The following SUSD6 variants were observed in gnomAD, a reference collection of about 807,000 sequenced individuals.
SUSD6 encodes the protein sushi domain containing 6.
SUSD6 carries 16 observed loss-of-function variants against 28.4 expected under a neutral mutation model. The ratio of observed to expected loss-of-function variants is 0.56; its 90% confidence interval spans 0.38 to 0.86. The LOEUF is 0.86. Among genes scored for constraint, SUSD6 ranks in the 40% least tolerant of loss-of-function variants. The pLI, the probability that SUSD6 is intolerant of heterozygous loss-of-function variation, is 0.00. For missense variants in SUSD6, 341 were observed against 384.2 expected (o/e 0.89, Z 0.94); for synonymous variants, 147 against 159.6 (o/e 0.92, Z 0.59).
chr14:69,664,836 G>C (rs1885715642), intron 2 of SUSD6, among the ~76,000 whole-genome samples: 1 of 152,222 alleles, frequency 6.6e-6, no homozygotes, highest in African/African-American at 2.4e-5. Context: ...CTGCAAAAGA[G>C]AGGCACAGGA....
chr14:69,706,725 G>A (rs554596925), intron 4 of SUSD6, among the ~76,000 whole-genome samples: 30 of 152,192 alleles, frequency 2.0e-4, no homozygotes, highest in African/African-American at 7.2e-4. Context: ...CTCCTAAAGT[G>A]CTCCCATCAA....
chr14:69,652,948 G>A (rs148510456), intron 1 of SUSD6, among the ~76,000 whole-genome samples: 1 of 152,158 alleles, frequency 6.6e-6, no homozygotes, highest in Non-Finnish European at 1.5e-5. Flanking sequence ...TAAGCCCCAG[G>A]TGTTTCTAGT....
chr14:69,661,236 C>G (rs941152486), intron 2 of SUSD6, among the ~76,000 whole-genome samples: 1 of 152,158 alleles, frequency 6.6e-6, no homozygotes, highest in African/African-American at 2.4e-5. Flanking sequence ...TTAAGCTATC[C>G]TATTTACCCC....
chr14:69,640,888 A>G (rs932382459), intron 1 of SUSD6, among the ~76,000 whole-genome samples: 4 of 152,214 alleles, frequency 2.6e-5, no homozygotes, highest in Non-Finnish European at 5.9e-5. Flanking sequence ...GAGGACATAG[A>G]TATAAAACAT....
chr14:69,687,858 T>A (rs1316475993), intron 2 of SUSD6, among the ~76,000 whole-genome samples: 1 of 152,200 alleles, frequency 6.6e-6, no homozygotes, highest in Non-Finnish European at 1.5e-5. Context: ...TGCAATTAGA[T>A]GCTTTTTTTT....
intron 2 of SUSD6, among the ~76,000 whole-genome samples, chr14:69,668,655 GA>G (rs1885781580): frequency 6.6e-6 from 1 of 151,394 alleles, no homozygotes; most frequent in African/African-American, 2.4e-5. Context: ...AAAAGAAAAG[GA>G]AAAGAAAGAA....
intron 2 of SUSD6, among the ~76,000 whole-genome samples, chr14:69,681,346 C>T (rs1453030341): frequency 6.6e-6 from 1 of 152,200 alleles, no homozygotes; most frequent in Admixed American, 6.5e-5. Flanking sequence ...TAGCCTCCTG[C>T]CTCCCCTTTA....
At chr14:69,644,558 G>A (rs1362247838) in intron 1 of SUSD6, among the ~76,000 whole-genome samples, 1 of 151,996 alleles carries the variant, frequency 6.6e-6, no homozygotes, top group African/African-American at 2.4e-5. Context: ...GCTGAGGCAG[G>A]AGAATCGCTT....
At chr14:69,665,009 T>A (rs898292023) in intron 2 of SUSD6, among the ~76,000 whole-genome samples, 4 of 152,146 alleles carry the variant, frequency 2.6e-5, no homozygotes, top group Non-Finnish European at 5.9e-5. Context: ...AGGTGGCCTG[T>A]GCTGGTGTGC....
intron 1 of SUSD6, among the ~76,000 whole-genome samples, chr14:69,651,858 A>G (rs1330901942): frequency 2.6e-5 from 4 of 152,298 alleles, no homozygotes; most frequent in Admixed American, 2.6e-4. Context: ...TGTATTAGTC[A>G]TTTCTCTTAC....
chr14:69,612,830 T>G (rs1397840577), intron 1 of SUSD6, among the ~76,000 whole-genome samples: 3 of 152,238 alleles, frequency 2.0e-5, no homozygotes, highest in Non-Finnish European at 2.9e-5. Flanking sequence ...CTCCCTTTTT[T>G]GATCTACAGA....
At chr14:69,642,749 A>G (rs916792416) in intron 1 of SUSD6, among the ~76,000 whole-genome samples, 1 of 151,034 alleles carries the variant, frequency 6.6e-6, no homozygotes, top group Non-Finnish European at 1.5e-5. Context: ...ATATCAGAGC[A>G]TGAACTATTT....
intron 2 of SUSD6, among the ~76,000 whole-genome samples, chr14:69,673,024 A>G (rs1474849539): frequency 6.6e-6 from 1 of 152,216 alleles, no homozygotes; most frequent in Non-Finnish European, 1.5e-5. Context: ...TCTCTTGCAC[A>G]GAGTCTTGAA....
intron 5 of SUSD6, among the ~76,000 whole-genome samples, 192 bp from the exon 6 acceptor site, chr14:69,710,762 G>A (rs1886450395): frequency 6.6e-6 from 1 of 152,126 alleles, no homozygotes; most frequent in Non-Finnish European, 1.5e-5. Context: ...CATAGGCACT[G>A]GGAAAGATAA....
chr14:69,713,377 C>G lies in SUSD6; in HGVS notation c.*2398C>G, dbSNP rs930943566. On this transcript the variant is annotated 3_prime_UTR_variant, in exon 6 of 6. Coordinates refer to ENST00000342745, the MANE Select transcript of SUSD6 (RefSeq NM_014734.4). ...GCCTTGGCTCCCCTCTCGTCTCCTC[C>G]CCTCCTTCTTGTCACTGGCTTTGAT... 6.6e-6 allele frequency: 1 copy of G among 152,402 alleles called. No homozygotes were observed. Among genetic ancestry groups the G allele is most frequent in the Non-Finnish European group, 1.5e-5 (1 of 68,168 alleles). 9.4% of individuals were successfully genotyped at this position (152,402 alleles called of 1,614,324 possible). A position where few individuals can be genotyped will look rare whatever the true frequency, so the allele number is the denominator to read the frequency against.
chr14:69,660,336 A>G (rs1566597594), intron 2 of SUSD6, among the ~76,000 whole-genome samples: 1 of 152,196 alleles, frequency 6.6e-6, no homozygotes. Flanking sequence ...CTACCAACAT[A>G]TAGATGTGCC....
intron 1 of SUSD6, among the ~76,000 whole-genome samples, chr14:69,624,072 T>C (rs1399754444): frequency 6.6e-6 from 1 of 152,254 alleles, no homozygotes; most frequent in Non-Finnish European, 1.5e-5. Flanking sequence ...CAGGGCAATT[T>C]GCAGTCCTGC....
intron 2 of SUSD6, among the ~76,000 whole-genome samples, chr14:69,677,680 G>T (rs1453191055): frequency 6.6e-6 from 1 of 152,158 alleles, no homozygotes; most frequent in South Asian, 2.1e-4. Flanking sequence ...ATCAGGGGGT[G>T]AGTAGAAACA....
intron 1 of SUSD6, among the ~76,000 whole-genome samples, chr14:69,654,915 C>G (rs1219139578): frequency 6.6e-6 from 1 of 151,642 alleles, no homozygotes; most frequent in Non-Finnish European, 1.5e-5. Flanking sequence ...CTGCCTCAGC[C>G]TCCTGAGTAG....
Sources: gnomAD v4.1 joint callset for allele counts (sites outside exome capture counted in the v4.1 genomes callset) on GRCh38, gnomAD v4.1.1 for gene constraint, MANE v1.5 for transcripts, NCBI Gene and HGNC (gene_info 2026-07-23, HGNC 2026-07-21) for gene names.